The following CTTNBP2 variants were observed in gnomAD, a reference collection of about 807,000 sequenced individuals.
The protein encoded by CTTNBP2 is cortactin binding protein 2.
A neutral mutation model predicts 156.9 loss-of-function variants in CTTNBP2; 108 were observed. The observed-to-expected ratio is 0.69, with a 90% CI of 0.59 to 0.81. The LOEUF is 0.81. CTTNBP2 is among the 30% of genes least tolerant of loss of function. The probability of loss-of-function intolerance (pLI) is 0.00; values close to 1 mark genes in which losing one functional copy is unlikely to be tolerated. For synonymous variants in CTTNBP2, 767 were observed against 751.8 expected, an observed-to-expected ratio of 1.02 and a Z score of -0.33; for missense variants, 1,924 against 2,035.4, an observed-to-expected ratio of 0.95 and a Z score of 1.05.
chr7:117,773,704 CA>C lies in CTTNBP2; in HGVS notation c.2778+3806del, dbSNP rs1562992551. Among the ~76,000 whole-genome samples, 365 of 126,266 alleles carry C rather than the reference CA, an allele frequency of 2.9e-3. 4 individuals are homozygous for C. The highest frequency in any genetic ancestry group is 6.3e-3 in the Admixed American group (81 of 12,944). 82.8% of individuals were successfully genotyped at this position (126,266 alleles called of 152,430 possible). On this transcript the variant is annotated intron_variant, in intron 8 of 22. Transcript: ENST00000160373. Reference sequence around the variant, plus strand: ...ACACACACACACACACACACACACACACACCCCAAAAAACAAAAAGCAGAAA... The same window carrying C: ...ACACACACACACACACACACACACACCACCCCAAAAAACAAAAAGCAGAAA...
intron 3 of CTTNBP2, among the ~76,000 whole-genome samples, chr7:117,804,963 T>G (rs1474857918): frequency 1.3e-5 from 2 of 152,146 alleles, no homozygotes; most frequent in African/African-American, 4.8e-5. Flanking sequence ...TGTAGAAAAA[T>G]GACCCATTTC....
intron 2 of CTTNBP2, among the ~76,000 whole-genome samples, chr7:117,826,866 ATTATTATTATT>A (rs1338655388): frequency 7.0e-5 from 8 of 114,424 alleles, no homozygotes; most frequent in Admixed American, 1.6e-4. Flanking sequence ...TATTATTATT[ATTATTATTATT>A]TTGAGATGGA....
At chr7:117,824,456 ATCT>A (rs1175631855) in intron 2 of CTTNBP2, among the ~76,000 whole-genome samples, 1 of 151,948 alleles carries the variant, frequency 6.6e-6, no homozygotes, top group African/African-American at 2.4e-5. Flanking sequence ...GTTCCGGGAG[ATCT>A]TCTTAAGTTT....
Position 117,796,795 on chromosome 7 carries a change from G to A in CTTNBP2, c.415-4014C>T, listed in dbSNP as rs953615271. Among the ~76,000 whole-genome samples, 2 of 152,192 alleles carry A rather than the reference G, an allele frequency of 1.3e-5. 1 individual carries two copies. Reference sequence around the variant, plus strand: ...GAGAATACACCATATTAAACATGTAGATGAATGTTTTTATAAGTTAGATAG... The same window carrying A: ...GAGAATACACCATATTAAACATGTAAATGAATGTTTTTATAAGTTAGATAG... On this transcript the variant is annotated intron_variant, in intron 3 of 22. Transcript: ENST00000160373.
intron 2 of CTTNBP2, among the ~76,000 whole-genome samples, chr7:117,849,806 G>A (rs773826346): frequency 6.6e-6 from 1 of 152,070 alleles, no homozygotes; most frequent in Non-Finnish European, 1.5e-5. Context: ...ACTAAAACAC[G>A]CAAGCCAGCC....
In CTTNBP2 at chr7:117,737,809, A is replaced by T. The variant is rs1795788805; in HGVS notation, c.3536-2388T>A. Reference sequence around the variant, plus strand: ...TGGTCAGGCTGGTCTCAAAGTCCTGACTTCGTGATCCACCCACCTCACCCT... The same window carrying T: ...TGGTCAGGCTGGTCTCAAAGTCCTGTCTTCGTGATCCACCCACCTCACCCT... On this transcript the variant is annotated intron_variant, in intron 14 of 22. Coordinates refer to ENST00000160373, the MANE Select transcript of CTTNBP2 (RefSeq NM_033427.3). Among the ~76,000 whole-genome samples the T allele has an allele frequency of 2.0e-5, 3 of 152,174 alleles. 1 individual carries two copies. The South Asian group carries it at 6.2e-4, about 32-fold the overall frequency.
intron 2 of CTTNBP2, among the ~76,000 whole-genome samples, chr7:117,838,966 G>GT (rs1563057323): frequency 2.7e-5 from 2 of 73,908 alleles, no homozygotes; most frequent in East Asian, 6.0e-4. Flanking sequence ...CATTGCGGGG[G>GT]CGGGGGGGGG....
chr7:117,836,306 T>C (rs1801930513), intron 2 of CTTNBP2, among the ~76,000 whole-genome samples: 1 of 152,216 alleles, frequency 6.6e-6, no homozygotes. Flanking sequence ...GGCTCACGCC[T>C]GTAATCCCAG....
At chr7:117,840,101 G>C (rs896416949) in intron 2 of CTTNBP2, among the ~76,000 whole-genome samples, 3 of 152,082 alleles carry the variant, frequency 2.0e-5, no homozygotes, top group African/African-American at 4.8e-5. Flanking sequence ...AATATCTAGG[G>C]TATATTTTAA....
Position 117,791,905 on chromosome 7 carries a change from G to A in CTTNBP2, c.1291C>T (p.Pro431Ser). ...QAPPMHSLHSPCANTSLHPGL... is the reference protein window; with the variant it reads ...QAPPMHSLHSSCANTSLHPGL... ...GGATGCAAAGAGGTGTTGGCACATG[G>A]TGAATGTAAACTGTGCATAGGTGGA... is the stretch of plus-strand genomic sequence containing the variant. The change falls in exon 4 of 23, where the codon CCA becomes TCA. Residue 431 changes from proline to serine, a missense_variant. By Grantham distance (74) the Pro-to-Ser change is moderately conservative. Coordinates refer to ENST00000160373, the MANE Select transcript of CTTNBP2 (RefSeq NM_033427.3). 1.9e-6 allele frequency: 3 copies of A among 1,614,178 alleles called. No homozygotes were observed. Among genetic ancestry groups the A allele is most frequent in the Non-Finnish European group, 2.5e-6 (3 of 1,180,034 alleles).
At chr7:117,817,120 G>A (rs1244219023) in intron 2 of CTTNBP2, among the ~76,000 whole-genome samples, 5 of 151,138 alleles carry the variant, frequency 3.3e-5, no homozygotes, top group Admixed American at 1.3e-4. Flanking sequence ...GGCACATCAC[G>A]AGGTCAAGAG....
intron 2 of CTTNBP2, among the ~76,000 whole-genome samples, chr7:117,819,557 A>T (rs1473730612): frequency 6.6e-6 from 1 of 152,148 alleles, no homozygotes; most frequent in Non-Finnish European, 1.5e-5. Flanking sequence ...AACTTCTAGA[A>T]TTATGACTTA....
chr7:117,719,733 G>C, intron 20 of CTTNBP2, 97 bp from the exon 21 acceptor site: 1 of 984,000 alleles, frequency 1.0e-6, no homozygotes, highest in Non-Finnish European at 1.5e-6. Flanking sequence ...GTGTGGGGTA[G>C]GGAAAATGTT....
intron 2 of CTTNBP2, among the ~76,000 whole-genome samples, chr7:117,819,893 G>C (rs1355308318): frequency 6.6e-6 from 1 of 152,184 alleles, no homozygotes; most frequent in Non-Finnish European, 1.5e-5. Flanking sequence ...TGTTCCCAAA[G>C]CTAAAATCTG....
At chr7:117,856,987 T>C (rs560311663) in intron 2 of CTTNBP2, among the ~76,000 whole-genome samples, 1 of 152,370 alleles carries the variant, frequency 6.6e-6, no homozygotes, top group Non-Finnish European at 1.5e-5. Context: ...GATTTCTGTA[T>C]AAATTGTGTA....
intron 5 of CTTNBP2, among the ~76,000 whole-genome samples, chr7:117,783,799 C>T (rs751700051): frequency 2.0e-5 from 3 of 152,060 alleles, no homozygotes; most frequent in Non-Finnish European, 4.4e-5. Context: ...CAGTCTTCAT[C>T]GATATACCAT....
intron 16 of CTTNBP2, among the ~76,000 whole-genome samples, chr7:117,732,748 G>C (rs1343912702): frequency 1.3e-5 from 2 of 151,018 alleles, no homozygotes; most frequent in Non-Finnish European, 1.5e-5. Flanking sequence ...AAGTAATTAT[G>C]ATATTAAGAC....
chr7:117,768,128 C>G (rs952884457), intron 8 of CTTNBP2, among the ~76,000 whole-genome samples: 6 of 151,874 alleles, frequency 4.0e-5, no homozygotes, highest in Non-Finnish European at 8.8e-5. Context: ...CACTTGGAGG[C>G]ATGGGGCTGT....
At chr7:117,855,359 C>T (rs1563070757) in intron 2 of CTTNBP2, among the ~76,000 whole-genome samples, 3 of 152,104 alleles carry the variant, frequency 2.0e-5, no homozygotes, top group Non-Finnish European at 4.4e-5. Context: ...GTGATCTGCC[C>T]GCCTCGGCCT....
Sources: allele counts gnomAD v4.1 joint callset (sites outside exome capture counted in the v4.1 genomes callset), GRCh38; gene constraint gnomAD v4.1.1; transcripts MANE v1.5; gene names NCBI Gene and HGNC (gene_info 2026-07-23, HGNC 2026-07-21).